Variants in ANTXRL observed in about 807,000 individuals in gnomAD.
ANTXRL encodes the protein ANTXR like.
ANTXRL carries 63 observed loss-of-function variants against 75.4 expected under a neutral mutation model. The observed-to-expected ratio is 0.84, with a 90% CI of 0.68 to 1.03. ANTXRL has a LOEUF of 1.03. ANTXRL is among the 50% of genes least tolerant of loss of function. ANTXRL has a pLI of 0.00. For synonymous variants in ANTXRL, 335 were observed against 291.3 expected, an observed-to-expected ratio of 1.15 and a Z score of -1.53; for missense variants, 797 against 789.4, an observed-to-expected ratio of 1.01 and a Z score of -0.12.
Position 46,296,258 on chromosome 10 carries a change from C to A in ANTXRL, c.508+6C>A. On this transcript the variant is annotated splice_donor_region_variant and intron_variant, in intron 5 of 16. Transcript: ENST00000620264. ...CGAAAGTTTCAACTCCGGAAGTAAG[C>A]ACCTGCCGTCCCCCTGGTGGTCCTG... The A allele has an allele frequency of 6.5e-7, 1 of 1,535,718 alleles. No homozygotes were observed. Among genetic ancestry groups the A allele is most frequent in the Non-Finnish European group, 8.7e-7 (1 of 1,146,630 alleles).
intron 9 of ANTXRL, among the ~76,000 whole-genome samples, chr10:46,300,248 A>T: frequency 6.6e-6 from 1 of 152,178 alleles, no homozygotes; most frequent in East Asian, 1.9e-4. Context: ...ATGGAGGGTG[A>T]CAGTCACAGG....
At chr10:46,296,685 C>T (rs1296906386) in intron 5 of ANTXRL, among the ~76,000 whole-genome samples, 15 of 152,166 alleles carry the variant, frequency 9.9e-5, no homozygotes, top group Admixed American at 8.5e-4. Flanking sequence ...TGTGTTGCTG[C>T]AGCTCTTGTC....
intron 16 of ANTXRL, among the ~76,000 whole-genome samples, chr10:46,328,918 G>T (rs1839356898): frequency 6.6e-6 from 1 of 152,036 alleles, no homozygotes; most frequent in Non-Finnish European, 1.5e-5. Flanking sequence ...GACCCTGAGG[G>T]CCTTTTTGAA....
chr10:46,287,499 C>T lies in ANTXRL; in HGVS notation c.237C>T (p.Phe79=). Reference sequence around the variant, plus strand: ...GCCAGGGCTCATTTGACCTCTACTTCATCTTGGACAAGTGAGTGTCCCTTC... The same window carrying T: ...GCCAGGGCTCATTTGACCTCTACTTTATCTTGGACAAGTGAGTGTCCCTTC... ...HRCQGSFDLY[F]ILDKSGSVNN... is the part of the protein sequence containing the mutation. The change falls in exon 1 of 17, where the codon TTC becomes TTT. Residue 79 remains phenylalanine (F), a synonymous_variant. Transcript: ENST00000620264. 2 of 1,535,308 alleles carry T rather than the reference C, an allele frequency of 1.3e-6. No homozygotes were observed. Among genetic ancestry groups the T allele is most frequent in the Non-Finnish European group, 1.7e-6 (2 of 1,146,488 alleles).
At chr10:46,311,698 C>A in intron 15 of ANTXRL, 33 bp downstream of exon 15, 1 of 807,836 alleles carries the variant, frequency 1.2e-6, no homozygotes, top group Non-Finnish European at 2.1e-6. Context: ...GGGCTGTGAC[C>A]CCAGCATGGG....
intron 16 of ANTXRL, among the ~76,000 whole-genome samples, chr10:46,318,284 TA>T (rs1838829881): frequency 6.6e-6 from 1 of 151,904 alleles, no homozygotes; most frequent in East Asian, 1.9e-4. Context: ...ACAATAGCAA[TA>T]AAAAACAAAA....
chr10:46,327,283 T>C (rs782094349), intron 16 of ANTXRL, among the ~76,000 whole-genome samples: 1 of 152,054 alleles, frequency 6.6e-6, no homozygotes, highest in Non-Finnish European at 1.5e-5. Context: ...AGGGACTGGA[T>C]CCTGCCAGCA....
At chr10:46,313,108 A>C (rs1588851042) in intron 15 of ANTXRL, 128 bp from the exon 16 acceptor site, 3 of 826,648 alleles carry the variant, frequency 3.6e-6, no homozygotes, top group East Asian at 2.7e-5. Flanking sequence ...CCCCTCCCCC[A>C]GAGGGGGATG....
At chr10:46,316,440 C>G (rs1265253109) in intron 16 of ANTXRL, among the ~76,000 whole-genome samples, 1 of 152,138 alleles carries the variant, frequency 6.6e-6, no homozygotes, top group Non-Finnish European at 1.5e-5. Context: ...AGCAATAGGA[C>G]CAGCATCCAA....
intron 16 of ANTXRL, among the ~76,000 whole-genome samples, chr10:46,318,944 G>A (rs972189084): frequency 3.9e-5 from 6 of 152,058 alleles, no homozygotes; most frequent in East Asian, 3.8e-4. Flanking sequence ...TAGAGAAAAC[G>A]GAACTGAGGT....
At position 46,311,632 on chromosome 10, in the gene ANTXRL, A is replaced by G; in HGVS notation, c.1296A>G (p.Gly432=). Residue 432 remains glycine, a synonymous_variant, in exon 15 of 17, where the codon GGA becomes GGG. Transcript: ENST00000620264. ...CCACTGTGATTATTTGTTGCTGTGGATGCCAAGGAGTGGGCGGGATGAGAA... is the reference window on the plus strand; with the variant it reads ...CCACTGTGATTATTTGTTGCTGTGGGTGCCAAGGAGTGGGCGGGATGAGAA... The part of the protein sequence containing the change: ...TCPTVIICCC[G]CQGVGGMRRI... The G allele has an allele frequency of 7.7e-7, 1 of 1,291,452 alleles. No homozygotes were observed. The highest frequency in any genetic ancestry group is 1.1e-6 in the Non-Finnish European group (1 of 923,382). The allele number at this position is 1,291,452 out of a possible 1,614,324, so 80.0% of individuals were successfully genotyped here.
intron 16 of ANTXRL, among the ~76,000 whole-genome samples, chr10:46,323,409 C>T (rs1195620492): frequency 1.3e-5 from 2 of 152,138 alleles, no homozygotes; most frequent in Non-Finnish European, 2.9e-5. Flanking sequence ...AGAGTTAATA[C>T]AATAGCAGCG....
rs1836816367 is a variant in ANTXRL at position 46,287,581 on chromosome 10, G to A, written c.248+71G>A. ...ACTGTCTCTTTTTCACTAGGGACAG[G>A]ACACCACTCAAGGAGATGCAAGCTT... On this transcript the variant is annotated intron_variant, in intron 1 of 16. Coordinates refer to ENST00000620264, the MANE Select transcript of ANTXRL (RefSeq NM_001278688.3). The A allele has an allele frequency of 3.4e-6, 5 of 1,472,450 alleles. No individual in the cohort carries two copies. The Admixed American group carries it at 1.2e-4, about 35-fold the overall frequency. 91.2% of individuals were successfully genotyped at this position (1,472,450 alleles called of 1,614,324 possible). A position where few individuals can be genotyped will look rare whatever the true frequency, so the allele number is the denominator to read the frequency against.
intron 16 of ANTXRL, among the ~76,000 whole-genome samples, chr10:46,319,079 G>C (rs562673858): frequency 6.6e-6 from 1 of 152,154 alleles, no homozygotes; most frequent in Non-Finnish European, 1.5e-5. Context: ...AGTATACTCC[G>C]CAGTTGGGTT....
intron 16 of ANTXRL, among the ~76,000 whole-genome samples, chr10:46,329,024 C>G (rs1208128135): frequency 1.3e-5 from 2 of 152,184 alleles, no homozygotes; most frequent in Admixed American, 6.5e-5. Context: ...AAGACAATCT[C>G]TGTGTGGCTT....
chr10:46,293,050 G>A (rs1837069005), intron 2 of ANTXRL: 1 of 152,462 alleles, frequency 6.6e-6, no homozygotes, highest in Non-Finnish European at 1.5e-5. Context: ...CAGTAGAAGG[G>A]AGGCCAGCTG....
chr10:46,286,688 A>G (rs1836779505), upstream of ANTXRL, among the ~76,000 whole-genome samples: 1 of 152,128 alleles, frequency 6.6e-6, no homozygotes, highest in Admixed American at 6.5e-5. Flanking sequence ...TCCTTCCCGA[A>G]CTGCCATCTC....
intron 1 of ANTXRL, among the ~76,000 whole-genome samples, chr10:46,288,710 T>A (rs1836860338): frequency 6.6e-6 from 1 of 152,044 alleles, no homozygotes; most frequent in Non-Finnish European, 1.5e-5. Context: ...GAAGGGAGAA[T>A]TTGCAGGTCA....
Position 46,307,391 on chromosome 10 carries a change from C to G in ANTXRL, c.966-11C>G. 1 of 1,532,672 alleles carries G rather than the reference C, an allele frequency of 6.5e-7. No homozygotes were observed. Among genetic ancestry groups the G allele is most frequent in the Non-Finnish European group, 8.7e-7 (1 of 1,143,708 alleles). The allele number at this position is 1,532,672 out of a possible 1,614,324, so 94.9% of individuals were successfully genotyped here. On this transcript the variant is annotated splice_polypyrimidine_tract_variant and intron_variant, in intron 11 of 16. Transcript: ENST00000620264. ...GACTGGCTCTCACCATCTGCATTTT[C>G]TATGCTTTAGGGAGTACTCTATTGA...
Sources: allele counts gnomAD v4.1 joint callset (sites outside exome capture counted in the v4.1 genomes callset), GRCh38; gene constraint gnomAD v4.1.1; transcripts MANE v1.5; gene names NCBI Gene and HGNC (gene_info 2026-07-23, HGNC 2026-07-21).